The following GLIS3 variants were observed in gnomAD, a reference collection of about 807,000 sequenced individuals.
GLIS3 encodes the protein GLIS family zinc finger 3.
GLIS3 carries 53 observed loss-of-function variants against 78.6 expected under a neutral mutation model. The observed-to-expected ratio is 0.67, with a 90% CI of 0.54 to 0.85. GLIS3 has a LOEUF of 0.85. Ranked by LOEUF, GLIS3 falls within the 40% of genes least tolerant of loss-of-function variation. The pLI, the probability that GLIS3 is intolerant of heterozygous loss-of-function variation, is 0.00. For synonymous variants in GLIS3, 684 were observed against 509.9 expected, an observed-to-expected ratio of 1.34 and a Z score of -4.60; for missense variants, 1,703 against 1,231.1, an observed-to-expected ratio of 1.38 and a Z score of -5.74.
chr9:4,106,837 G>A (rs766042105), intron 4 of GLIS3, among the ~76,000 whole-genome samples: 4 of 152,174 alleles, frequency 2.6e-5, no homozygotes, highest in Admixed American at 6.5e-5. Flanking sequence ...GTAAGTGCCT[G>A]TGGGACATGA....
chr9:4,079,490 A>G (rs187805197), intron 4 of GLIS3, among the ~76,000 whole-genome samples: 4 of 152,300 alleles, frequency 2.6e-5, no homozygotes, highest in Admixed American at 6.5e-5. Flanking sequence ...CCCACTGATA[A>G]GATTCTCACC....
chr9:4,471,415 C>T, the GLIS3 span, among the ~76,000 whole-genome samples: 15 of 152,164 alleles, frequency 9.9e-5, no homozygotes, highest in South Asian at 1.9e-3. Context: ...GAGATATAGA[C>T]CAATGGAACA....
chr9:3,905,607 G>C (rs1405572380), intron 6 of GLIS3, among the ~76,000 whole-genome samples: 2 of 152,092 alleles, frequency 1.3e-5, no homozygotes, highest in African/African-American at 4.8e-5. Context: ...CTCACCATTT[G>C]CATCCTAAGC....
At chr9:3,921,637 T>C (rs1178631440) in intron 6 of GLIS3, among the ~76,000 whole-genome samples, 1 of 152,032 alleles carries the variant, frequency 6.6e-6, no homozygotes, top group East Asian at 1.9e-4. Context: ...TATGTAAAAA[T>C]ATATCTATAG....
At chr9:4,107,000 C>A (rs986640551) in intron 4 of GLIS3, among the ~76,000 whole-genome samples, 1 of 151,984 alleles carries the variant, frequency 6.6e-6, no homozygotes, top group African/African-American at 2.4e-5. Context: ...GCAATGGAAT[C>A]CTTGGAGAGT....
In GLIS3 at chr9:4,195,131, G is replaced by A. The variant is rs897846627; in HGVS notation, c.389-69190C>T. ...AGGAGAAGAGCTCCTCCAACTGAGA[G>A]GTGACAACATGCTGGCGGCCTTTGC... On this transcript the variant is annotated intron_variant, in intron 2 of 10. Transcript: ENST00000381971. 3.3e-5 allele frequency among the ~76,000 whole-genome samples: 5 copies of A among 152,234 alleles called. No homozygotes were observed. The East Asian group carries it at 9.6e-4, about 29-fold the overall frequency.
chr9:4,428,403 T>A, the GLIS3 span, among the ~76,000 whole-genome samples: 2 of 141,824 alleles, frequency 1.4e-5, no homozygotes, highest in Non-Finnish European at 3.0e-5. Flanking sequence ...TGCTTGAACC[T>A]GGGAGGCAGA....
At chr9:4,167,658 T>A (rs547447673) in intron 2 of GLIS3, among the ~76,000 whole-genome samples, 1 of 152,316 alleles carries the variant, frequency 6.6e-6, no homozygotes, top group Admixed American at 6.5e-5. Flanking sequence ...GGTGTACACG[T>A]TGGTAGCACA....
intron 2 of GLIS3, among the ~76,000 whole-genome samples, chr9:4,283,004 TTCCC>T (rs1272017994): frequency 6.6e-6 from 1 of 152,058 alleles, no homozygotes; most frequent in African/African-American, 2.4e-5. Flanking sequence ...CCAGGATTTC[TTCCC>T]TCCAAGTTTT....
intron 4 of GLIS3, among the ~76,000 whole-genome samples, chr9:4,010,164 T>C (rs1403454113): frequency 2.6e-5 from 4 of 152,032 alleles, no homozygotes; most frequent in African/African-American, 4.8e-5. Context: ...ATAGATAGAA[T>C]AGCTGTCAAT....
intron 2 of GLIS3, among the ~76,000 whole-genome samples, chr9:4,332,393 C>T (rs1057041249): frequency 6.6e-5 from 10 of 152,214 alleles, no homozygotes; most frequent in African/African-American, 4.8e-5. Flanking sequence ...CACACGGCTG[C>T]TCAACTGGAG....
At chr9:4,055,694 G>C (rs1826093277) in intron 4 of GLIS3, among the ~76,000 whole-genome samples, 1 of 152,172 alleles carries the variant, frequency 6.6e-6, no homozygotes, top group Admixed American at 6.5e-5. Flanking sequence ...GCAGGCTTCT[G>C]TGATCAGGTC....
intron 4 of GLIS3, among the ~76,000 whole-genome samples, chr9:4,101,890 G>A (rs1158086586): frequency 3.9e-5 from 6 of 152,270 alleles, no homozygotes; most frequent in South Asian, 4.1e-4. Flanking sequence ...AATGAACTAG[G>A]TTTCACTTCC....
intron 4 of GLIS3, among the ~76,000 whole-genome samples, chr9:4,061,175 C>G (rs1051778790): frequency 4.6e-5 from 7 of 151,708 alleles, no homozygotes; most frequent in Admixed American, 1.3e-4. Flanking sequence ...ATTAACTCGT[C>G]ATTTACATTA....
intron 2 of GLIS3, among the ~76,000 whole-genome samples, chr9:4,243,913 G>C (rs376128053): frequency 1.4e-4 from 22 of 152,230 alleles, no homozygotes; most frequent in Admixed American, 1.0e-3. Context: ...ATGTGGAATA[G>C]AGCAGGGTCT....
At chr9:4,206,912 A>C (rs1159558610) in intron 2 of GLIS3, among the ~76,000 whole-genome samples, 1 of 152,218 alleles carries the variant, frequency 6.6e-6, no homozygotes, top group Non-Finnish European at 1.5e-5. Flanking sequence ...GGGAGGACGA[A>C]GTCCATGATA....
chr9:4,415,082 C>T, the GLIS3 span, among the ~76,000 whole-genome samples: 1 of 152,134 alleles, frequency 6.6e-6, no homozygotes, highest in Admixed American at 6.5e-5. Flanking sequence ...TTTTCTTTGA[C>T]ACTGGTTAAA....
rs1268022798 is a variant in GLIS3 at position 4,346,670 on chromosome 9, G to GAATTTCAGGCAAT, written n.264+410_264+411insATTGCCTGAAATT. 0.019 allele frequency among the ~76,000 whole-genome samples: 166 copies of GAATTTCAGGCAAT among 8,770 alleles called. 74 individuals carry two copies. The East Asian group carries it at 0.75, about 40-fold the overall frequency. 5.8% of individuals were successfully genotyped at this position (8,770 alleles called of 152,430 possible). ...TGGCAACAAGATTTAATAATGGATG[G>GAATTTCAGGCAAT]AGCCGGGCGCGGTGGCTCACGCCTG... is the stretch of plus-strand genomic sequence containing the variant. On this transcript the variant is annotated intron_variant and non_coding_transcript_variant, in intron 2 of 4. Coordinates refer to the GLIS3 transcript ENST00000471664.
chr9:3,844,408 T>A (rs990872884), intron 9 of GLIS3, among the ~76,000 whole-genome samples: 1 of 152,202 alleles, frequency 6.6e-6, no homozygotes, highest in Non-Finnish European at 1.5e-5. Context: ...AATAGTGTTA[T>A]CAGAAAAACA....
Sources: allele counts gnomAD v4.1 joint callset (sites outside exome capture counted in the v4.1 genomes callset), GRCh38; gene constraint gnomAD v4.1.1; transcripts MANE v1.5; gene names NCBI Gene and HGNC (gene_info 2026-07-23, HGNC 2026-07-21).